Variants in DICER1 observed in about 807,000 individuals in gnomAD.
The protein encoded by DICER1 is dicer 1, ribonuclease III.
DICER1 carries 43 observed loss-of-function variants against 194.1 expected under a neutral mutation model. The observed-to-expected ratio is 0.22, with a 90% CI of 0.17 to 0.29. The LOEUF (loss-of-function observed/expected upper bound fraction) is 0.29, where lower values mean the gene tolerates loss of function less well. Among genes scored for constraint, DICER1 ranks in the 10% least tolerant of loss-of-function variants. The pLI is 1.00. For synonymous variants in DICER1, 832 were observed against 820.5 expected, an observed-to-expected ratio of 1.01 and a Z score of -0.24; for missense variants, 1,608 against 2,317.0, an observed-to-expected ratio of 0.69 and a Z score of 6.28.
Position 95,105,855 on chromosome 14 carries a change from C to A in DICER1, c.2988-72G>T. 1 of 1,457,304 alleles carries A rather than the reference C, an allele frequency of 6.9e-7. No individual in the cohort carries two copies. The highest frequency in any genetic ancestry group is 1.7e-4 in the Middle Eastern group (1 of 5,764). The allele number at this position is 1,457,304 out of a possible 1,614,324, so 90.3% of individuals were successfully genotyped here. ...CATATTCACAGTGGTTCTCCAAAAA[C>A]CACCTGAAGAGCTCATTTCAACTAC... is the stretch of plus-strand genomic sequence containing the variant. On this transcript the variant is annotated intron_variant, in intron 18 of 26. Coordinates refer to ENST00000343455, the MANE Select transcript of DICER1 (RefSeq NM_177438.3). This position sits in a 1 kb window ranked among gnomAD's most constrained non-coding sequence, Gnocchi z 4.9.
rs112079219 is a variant in DICER1, at chr14:95,086,459, C to T, written c.*4039G>A. ...TTACTTGATTTTAGTAATTTTCCTT[C>T]ACTATTTACAGCAGAAAAGCCAGAA... On this transcript the variant is annotated 3_prime_UTR_variant, in exon 27 of 27. Transcript: ENST00000343455. 5,650 of 233,276 alleles carry T rather than the reference C, an allele frequency of 0.024. 344 individuals carry two copies. Among genetic ancestry groups the T allele is most frequent in the African/African-American group, 0.12 (5,301 of 45,402 alleles). 14.5% of individuals were successfully genotyped at this position (233,276 alleles called of 1,614,324 possible). A position where few individuals can be genotyped will look rare whatever the true frequency, so the allele number is the denominator to read the frequency against.
intron 10 of DICER1, 70 bp from the exon 11 acceptor site, chr14:95,115,891 C>G: frequency 1.3e-6 from 2 of 1,514,508 alleles, no homozygotes; most frequent in Non-Finnish European, 1.8e-6. Flanking sequence ...TGCCTCTGTA[C>G]CTACAGAAAA....
chr14:95,108,007 T>G lies in DICER1; in HGVS notation c.2523A>C (p.Gln841His), dbSNP rs1891604387. ...GAAGTCTTGTAATCAACTCAAGCAT[T>G]TGTAGAGACAACATGAAACCAGACT... ...LKKSGFMLSL[Q>H]MLELITRLHQ... is the part of the protein sequence containing the mutation. Residue 841 changes from glutamine (Q) to histidine (H), a missense_variant, in exon 16 of 27, where the codon CAA (glutamine) becomes CAC (histidine). Transcript: ENST00000343455. The G allele has an allele frequency of 1.2e-6, 2 of 1,613,606 alleles. No homozygotes were observed. The highest frequency in any genetic ancestry group is 1.7e-6 in the Non-Finnish European group (2 of 1,179,522).
intron 22 of DICER1, 23 bp downstream of exon 22, chr14:95,099,757 C>T (rs542935652): frequency 2.0e-6 from 3 of 1,472,558 alleles, no homozygotes; most frequent in Non-Finnish European, 1.8e-6. Context: ...CACACACACA[C>T]ACACACACAC....
intron 1 of DICER1, among the ~76,000 whole-genome samples, chr14:95,142,207 C>T (rs1239870211): frequency 2.0e-5 from 3 of 152,130 alleles, no homozygotes; most frequent in Admixed American, 1.3e-4. Flanking sequence ...ATCCTCCCAC[C>T]GTGGCCTCCC....
rs1355380424 is a variant in DICER1, at chr14:95,157,414, G to GCGCCTC, written c.-236_-231dup. On this transcript the variant is annotated 5_prime_UTR_variant, in exon 1 of 27. Transcript: ENST00000343455. ...ACCTGGGCCTGCAGCAGCCTGCGCCGCGCCTCCGCCTCGACCCCTCCCGCC... is the reference window on the plus strand; with the variant it reads ...ACCTGGGCCTGCAGCAGCCTGCGCCGCGCCTCCGCCTCCGCCTCGACCCCTCCCGCC... 6.6e-6 allele frequency: 1 copy of GCGCCTC among 152,394 alleles called. No individual in the cohort carries two copies. Among genetic ancestry groups the GCGCCTC allele is most frequent in the Non-Finnish European group, 1.5e-5 (1 of 68,228 alleles). 9.4% of individuals were successfully genotyped at this position (152,394 alleles called of 1,614,324 possible).
chr14:95,114,562 G>C (rs1336433841), intron 11 of DICER1, among the ~76,000 whole-genome samples: 1 of 152,146 alleles, frequency 6.6e-6, no homozygotes, highest in Non-Finnish European at 1.5e-5. Flanking sequence ...ATTTGGGCCA[G>C]AAATATCAAA....
chr14:95,119,443 T>C (rs1396723821), intron 8 of DICER1, among the ~76,000 whole-genome samples: 3 of 152,226 alleles, frequency 2.0e-5, no homozygotes, highest in Non-Finnish European at 4.4e-5. Context: ...ATCTTGGCCA[T>C]GCCTAACCAG....
rs756671135 is a variant in DICER1, at chr14:95,089,101, CAG to C, written c.*1395_*1396del. On this transcript the variant is annotated 3_prime_UTR_variant, in exon 27 of 27. Coordinates refer to ENST00000343455, the MANE Select transcript of DICER1 (RefSeq NM_177438.3). ...CATAATACATAAACATAGCACCAAACAGGGGAAAAATGCATGCAAAAGAAAAG... is the reference window on the plus strand; with the variant it reads ...CATAATACATAAACATAGCACCAAACGGGAAAAATGCATGCAAAAGAAAAG... 3.9e-5 allele frequency: 9 copies of C among 228,838 alleles called. No individual in the cohort carries two copies. The highest frequency in any genetic ancestry group is 1.2e-4 in the Admixed American group (2 of 17,362). The allele number at this position is 228,838 out of a possible 1,614,324, so 14.2% of individuals were successfully genotyped here. A position where few individuals can be genotyped will look rare whatever the true frequency, so the allele number is the denominator to read the frequency against.
intron 1 of DICER1, among the ~76,000 whole-genome samples, chr14:95,135,435 C>T (rs1894287362): frequency 6.6e-6 from 1 of 152,128 alleles, no homozygotes; most frequent in African/African-American, 2.4e-5. Flanking sequence ...GAACCAGCAG[C>T]ACCCCCTCCT....
intron 21 of DICER1, among the ~76,000 whole-genome samples, chr14:95,101,135 T>C (rs1037346667): frequency 1.3e-5 from 2 of 152,114 alleles, no homozygotes; most frequent in Admixed American, 6.5e-5. Flanking sequence ...CAGGTAGAGA[T>C]GGAGGCAAGC....
chr14:95,133,466 G>C lies in DICER1; in HGVS notation c.-8C>G. 1 of 1,610,358 alleles carries C rather than the reference G, an allele frequency of 6.2e-7. No individual in the cohort carries two copies. The highest frequency in any genetic ancestry group is 8.5e-7 in the Non-Finnish European group (1 of 1,177,900). On this transcript the variant is annotated 5_prime_UTR_variant, in exon 2 of 27. Transcript: ENST00000343455. ...CAAAGCAGGGCTTTTCATTCATCCA[G>C]TGTTTCTTTCATTGCATTTTTGTTC...
intron 14 of DICER1, 99 bp downstream of exon 14, chr14:95,111,218 G>T: frequency 7.1e-7 from 1 of 1,408,578 alleles, no homozygotes. Context: ...CAAACTGTAA[G>T]GGTGTGGGAA....
Position 95,132,558 on chromosome 14 carries a change from G to A in DICER1, c.264C>T (p.Asp88=). 2.5e-6 allele frequency: 4 copies of A among 1,613,890 alleles called. No homozygotes were observed. Among genetic ancestry groups the A allele is most frequent in the Non-Finnish European group, 3.4e-6 (4 of 1,179,922 alleles). The change falls in exon 3 of 27, where the codon GAC becomes GAT. Residue 88 remains aspartate, a synonymous_variant. Coordinates refer to ENST00000343455, the MANE Select transcript of DICER1 (RefSeq NM_177438.3). ...CCGTCCTTTTTCCATTTCTGCTGAA[G>A]TCTCCCCTGATCTGATAGGACAGCT... is the stretch of plus-strand genomic sequence containing the variant. ...TKELSYQIRG[D]FSRNGKRTVF... is the part of the protein sequence containing the mutation.
At chr14:95,145,333 C>T (rs996415996) in intron 1 of DICER1, among the ~76,000 whole-genome samples, 1 of 152,146 alleles carries the variant, frequency 6.6e-6, no homozygotes, top group African/African-American at 2.4e-5. Flanking sequence ...GCAATTAAAT[C>T]ACAAAATATG....
Position 95,090,278 on chromosome 14 carries a change from AT to A in DICER1, c.*219del, listed in dbSNP as rs1889673968. The A allele has an allele frequency of 3.4e-6, 2 of 585,378 alleles. No individual in the cohort carries two copies. 36.3% of individuals were successfully genotyped at this position (585,378 alleles called of 1,614,324 possible). A position where few individuals can be genotyped will look rare whatever the true frequency, so the allele number is the denominator to read the frequency against. On this transcript the variant is annotated 3_prime_UTR_variant, in exon 27 of 27. Coordinates refer to ENST00000343455, the MANE Select transcript of DICER1 (RefSeq NM_177438.3). ...AGCAGAAGTGAGGAAAGAAGATAAG[AT>A]TGTGTTTGCGCAAAAAACTAAAACT... is the stretch of plus-strand genomic sequence containing the variant.
At chr14:95,108,253 A>G (rs1891631824) in intron 15 of DICER1, 71 bp downstream of exon 15, 1 of 1,405,048 alleles carries the variant, frequency 7.1e-7, no homozygotes, top group Non-Finnish European at 1.0e-6. Context: ...GGTACTTACT[A>G]CTAGTTTTTT....
rs1383245596 is a variant in DICER1 at position 95,103,819 on chromosome 14, T to C, written c.3577A>G (p.Asn1193Asp). The change falls in exon 21 of 27, where the codon AAC (asparagine) becomes GAC (aspartate). Residue 1193 changes from asparagine (N) to aspartate (D), a missense_variant. Transcript: ENST00000343455. ...NLANGSYDLA[N>D]RDFCQGNQLN... is the part of the protein sequence containing the mutation. ...TGATTTCCTTGGCAAAAGTCTCTGTTAGCTAAATCATAACTGCCATTGGCG... is the reference window on the plus strand; with the variant it reads ...TGATTTCCTTGGCAAAAGTCTCTGTCAGCTAAATCATAACTGCCATTGGCG... The C allele has an allele frequency of 1.9e-6, 3 of 1,614,206 alleles. No individual in the cohort carries two copies. In the South Asian group the frequency reaches 3.3e-5, roughly 18 times the overall value.
chr14:95,113,023 AGAAAAGCT>A, intron 12 of DICER1, 61 bp downstream of exon 12: 6 of 1,532,432 alleles, frequency 3.9e-6, no homozygotes. Context: ...TGCAAGTCTT[AGAAAAGCT>A]GAAAAAATCC....
Sources: allele counts gnomAD v4.1 joint callset (sites outside exome capture counted in the v4.1 genomes callset), GRCh38; gene constraint gnomAD v4.1.1; non-coding constraint Gnocchi (gnomAD v3.1); transcripts MANE v1.5; gene names NCBI Gene and HGNC (gene_info 2026-07-23, HGNC 2026-07-21).